The following SORCS2 variants were observed in gnomAD, a reference collection of about 807,000 sequenced individuals.
SORCS2 encodes the protein VPS10 domain-containing receptor SorCS2.
SORCS2 carries 100 observed loss-of-function variants against 141.6 expected under a neutral mutation model. The observed-to-expected ratio is 0.71, with a 90% CI of 0.60 to 0.83. The LOEUF (loss-of-function observed/expected upper bound fraction) is 0.83. Ranked by LOEUF, SORCS2 falls within the 40% of genes least tolerant of loss-of-function variation. SORCS2 has a pLI of 0.00. For missense variants in SORCS2, 1,646 were observed against 1,560.2 expected (o/e 1.05, Z -0.93); for synonymous variants, 789 against 676.9 (o/e 1.17, Z -2.57).
intron 4 of SORCS2, among the ~76,000 whole-genome samples, chr4:7,641,841 G>A (rs1157546577): frequency 7.0e-6 from 1 of 142,218 alleles, no homozygotes; most frequent in Admixed American, 7.0e-5. Context: ...TGGATGGGTG[G>A]ATGGGGATGA....
chr4:7,715,429 G>T, intron 17 of SORCS2, 118 bp downstream of exon 17: 3 of 1,442,832 alleles, frequency 2.1e-6, no homozygotes, highest in Non-Finnish European at 9.3e-7. Flanking sequence ...TGGAGTCGGG[G>T]AAAGAGAGGT....
chr4:7,526,130 G>A (rs1176536797), intron 2 of SORCS2, among the ~76,000 whole-genome samples: 1 of 152,228 alleles, frequency 6.6e-6, no homozygotes, highest in Non-Finnish European at 1.5e-5. Flanking sequence ...CAGGTGCCAC[G>A]ACCCAGGCGC....
Position 7,712,718 on chromosome 4 carries a change from C to T in SORCS2, c.1869-15C>T. ...AAGGTGGTTTTCTCTCCCTTCCCTC[C>T]TCTTCCCACCCCAGGGTCTTTGGCC... is the stretch of plus-strand genomic sequence containing the variant. On this transcript the variant is annotated splice_polypyrimidine_tract_variant and intron_variant, in intron 14 of 26. Coordinates refer to ENST00000507866, the MANE Select transcript of SORCS2 (RefSeq NM_020777.3). 1.9e-6 allele frequency: 3 copies of T among 1,613,940 alleles called. No homozygotes were observed. The highest frequency in any genetic ancestry group is 1.7e-6 in the Non-Finnish European group (2 of 1,179,844).
chr4:7,714,519 A>G, intron 16 of SORCS2, 146 bp downstream of exon 16: 1 of 916,052 alleles, frequency 1.1e-6, no homozygotes, highest in Non-Finnish European at 1.6e-6. Context: ...CTTCTGCCTC[A>G]TTCCATCTGT....
chr4:7,642,030 T>C (rs886776613), intron 4 of SORCS2, among the ~76,000 whole-genome samples: 2 of 151,506 alleles, frequency 1.3e-5, no homozygotes, highest in African/African-American at 4.9e-5. Context: ...GATGAATGGA[T>C]GGATGGGTGG....
intron 3 of SORCS2, among the ~76,000 whole-genome samples, chr4:7,591,022 C>CA (rs1716879470): frequency 1.3e-5 from 2 of 152,200 alleles, no homozygotes; most frequent in Non-Finnish European, 2.9e-5. Flanking sequence ...CACATGGCTG[C>CA]ATGGCTGTCA....
chr4:7,244,359 C>T (rs755412976), intron 1 of SORCS2, among the ~76,000 whole-genome samples: 7 of 152,242 alleles, frequency 4.6e-5, no homozygotes, highest in South Asian at 2.1e-4. Flanking sequence ...GGGCTTTCAG[C>T]GGCCTCCTAT....
At chr4:7,687,453 C>G (rs114767630) in intron 10 of SORCS2, among the ~76,000 whole-genome samples, 4,346 of 152,276 alleles carry the variant, frequency 0.029, 100 homozygotes, top group Middle Eastern at 0.058. Flanking sequence ...CAGCGGGCAA[C>G]GTCTTAACAC....
At chr4:7,329,923 G>T (rs1021302189) in intron 1 of SORCS2, among the ~76,000 whole-genome samples, 1 of 152,098 alleles carries the variant, frequency 6.6e-6, no homozygotes, top group South Asian at 2.1e-4. Context: ...ATCTTGGGTC[G>T]AGGAGCACCT....
chr4:7,618,286 G>A (rs996114231), intron 3 of SORCS2, among the ~76,000 whole-genome samples: 2 of 152,060 alleles, frequency 1.3e-5, no homozygotes, highest in Non-Finnish European at 2.9e-5. Flanking sequence ...GTGCTGCACA[G>A]TGAGTTCTCC....
chr4:7,237,419 A>T (rs556494418), intron 1 of SORCS2, among the ~76,000 whole-genome samples: 1 of 152,330 alleles, frequency 6.6e-6, no homozygotes, highest in Admixed American at 6.5e-5. Context: ...ACAGTGACCC[A>T]CAGTGGCTCC....
intron 2 of SORCS2, among the ~76,000 whole-genome samples, chr4:7,504,048 CT>C (rs1732131993): frequency 6.6e-6 from 1 of 152,210 alleles, no homozygotes; most frequent in South Asian, 2.1e-4. Flanking sequence ...TTTCCCACCC[CT>C]GACCTCAAAC....
At chr4:7,657,879 T>C (rs1166956598) in intron 5 of SORCS2, among the ~76,000 whole-genome samples, 1 of 151,380 alleles carries the variant, frequency 6.6e-6, no homozygotes, top group African/African-American at 2.4e-5. Context: ...AGTGAGTCAC[T>C]GAGTGAATGA....
At chr4:7,298,776 C>T (rs561493425) in intron 1 of SORCS2, among the ~76,000 whole-genome samples, 33 of 152,194 alleles carry the variant, frequency 2.2e-4, no homozygotes, top group Admixed American at 1.2e-3. Flanking sequence ...CTGAGGTCCC[C>T]GGGCCTAGCT....
intron 2 of SORCS2, among the ~76,000 whole-genome samples, chr4:7,522,266 C>T (rs1266420909): frequency 3.3e-5 from 5 of 152,170 alleles, no homozygotes; most frequent in African/African-American, 1.2e-4. Context: ...CATACGTCCC[C>T]GCCAATGGAG....
intron 1 of SORCS2, among the ~76,000 whole-genome samples, chr4:7,246,205 C>T (rs961638621): frequency 2.6e-5 from 4 of 152,248 alleles, no homozygotes; most frequent in Admixed American, 6.5e-5. Flanking sequence ...ATTCTATGGC[C>T]TGGGTCCTCT....
intron 3 of SORCS2, among the ~76,000 whole-genome samples, chr4:7,629,757 A>G (rs1366205616): frequency 6.6e-6 from 1 of 151,762 alleles, no homozygotes; most frequent in Non-Finnish European, 1.5e-5. Flanking sequence ...CCATATATCA[A>G]ACCCCACCCT....
chr4:7,453,569 G>GCA (rs1728639290), intron 2 of SORCS2, among the ~76,000 whole-genome samples: 35 of 132,980 alleles, frequency 2.6e-4, no homozygotes, highest in Admixed American at 6.2e-4. Flanking sequence ...GGGGTCAGCT[G>GCA]CTGTGTTGGG....
intron 2 of SORCS2, among the ~76,000 whole-genome samples, chr4:7,437,623 G>C (rs2109248764): frequency 6.6e-6 from 1 of 152,248 alleles, no homozygotes; most frequent in South Asian, 2.1e-4. Context: ...GTGGTCAGAG[G>C]GGGTCATTAT....
Sources: gnomAD v4.1 joint callset for allele counts (sites outside exome capture counted in the v4.1 genomes callset) on GRCh38, gnomAD v4.1.1 for gene constraint, MANE v1.5 for transcripts, NCBI Gene and HGNC (gene_info 2026-07-23, HGNC 2026-07-21) for gene names.